SUGCT: variants seen among roughly 807,000 people sequenced by gnomAD.
SUGCT encodes the protein succinyl-CoA:glutarate-CoA transferase.
SUGCT carries 41 observed loss-of-function variants against 55.0 expected under a neutral mutation model. The observed-to-expected ratio is 0.74, with a 90% confidence interval of 0.58 to 0.97. The LOEUF is 0.97. Ranked by LOEUF, SUGCT falls within the 50% of genes least tolerant of loss-of-function variation. The pLI is 0.00. For synonymous variants in SUGCT, 187 were observed against 200.4 expected (o/e 0.93, Z 0.56); for missense variants, 568 against 547.8 (o/e 1.04, Z -0.37).
At chr7:40,304,899 C>T (rs961201199) in intron 8 of SUGCT, among the ~76,000 whole-genome samples, 1 of 152,112 alleles carries the variant, frequency 6.6e-6, no homozygotes, top group Non-Finnish European at 1.5e-5. Flanking sequence ...TCCAGCATCC[C>T]TTTATAATTA....
chr7:40,154,247 T>C (rs899210127), intron 1 of SUGCT: 1 of 157,546 alleles, frequency 6.3e-6, no homozygotes, highest in Non-Finnish European at 1.4e-5. Context: ...CAAAATAGTA[T>C]TTAAAAAAGT....
At chr7:40,444,598 T>G (rs938796414) in intron 9 of SUGCT, among the ~76,000 whole-genome samples, 5 of 152,102 alleles carry the variant, frequency 3.3e-5, no homozygotes, top group Non-Finnish European at 5.9e-5. Context: ...TACTGAAGTT[T>G]CTTATCAGCT....
At chr7:40,167,859 G>A (rs974752510) in intron 1 of SUGCT, among the ~76,000 whole-genome samples, 7 of 152,170 alleles carry the variant, frequency 4.6e-5, no homozygotes, top group African/African-American at 1.4e-4. Flanking sequence ...CCAAAGCTCA[G>A]TTTGAGCTAT....
intron 9 of SUGCT, among the ~76,000 whole-genome samples, chr7:40,344,133 A>G (rs1404859354): frequency 1.3e-5 from 2 of 152,142 alleles, no homozygotes; most frequent in African/African-American, 4.8e-5. Flanking sequence ...TCCTTGCTGA[A>G]ACTTGTGAAA....
the SUGCT span, among the ~76,000 whole-genome samples, chr7:40,912,152 A>T: frequency 2.8e-4 from 42 of 152,120 alleles, no homozygotes; most frequent in Non-Finnish European, 5.0e-4. Context: ...TAGGCCTTAC[A>T]CATTATCCTA....
At chr7:40,465,615 G>T (rs1490372449) in intron 11 of SUGCT, among the ~76,000 whole-genome samples, 1 of 146,714 alleles carries the variant, frequency 6.8e-6, no homozygotes, top group Admixed American at 6.8e-5. Flanking sequence ...GTCTCAAAAA[G>T]AAAAAAAAAA....
In SUGCT at chr7:40,388,526, C is replaced by CT. The variant is rs201439544; in HGVS notation, c.817-60760dup. Among the ~76,000 whole-genome samples, 72 of 152,304 alleles carry CT rather than the reference C, an allele frequency of 4.7e-4. 1 individual carries two copies. The East Asian group carries it at 0.014, about 29-fold the overall frequency. On this transcript the variant is annotated intron_variant, in intron 9 of 13. Transcript: ENST00000335693. ...CACCACCCAGATTCAAGTGATTCTA[C>CT]TGCCTCAGCCTCCCAAGTAGCTGGG... is the stretch of plus-strand genomic sequence containing the variant.
rs181286139 is a variant in SUGCT at position 40,237,337 on chromosome 7, G to A, written c.485-298G>A. On this transcript the variant is annotated intron_variant, in intron 6 of 13. Transcript: ENST00000335693. Reference sequence around the variant, plus strand: ...TGCACGCCTGTTATCCTAGCTACTCGGGAGGCTGAGGAAGGAGAATCACTT... The same window carrying A: ...TGCACGCCTGTTATCCTAGCTACTCAGGAGGCTGAGGAAGGAGAATCACTT... Among the ~76,000 whole-genome samples the A allele has an allele frequency of 4.2e-3, 635 of 151,946 alleles. 1 individual carries two copies. Among genetic ancestry groups the A allele is most frequent in the African/African-American group, 0.014 (601 of 41,490 alleles).
intron 12 of SUGCT, among the ~76,000 whole-genome samples, chr7:40,523,296 C>A (rs764604041): frequency 6.6e-6 from 1 of 150,704 alleles, no homozygotes. Context: ...TGAAGCCAGA[C>A]TATCAGCAGA....
At chr7:40,720,722 G>T (rs1192102123) in intron 12 of SUGCT, among the ~76,000 whole-genome samples, 2 of 152,194 alleles carry the variant, frequency 1.3e-5, no homozygotes, top group Non-Finnish European at 2.9e-5. Context: ...TAGATGGCCA[G>T]ATGCCACTCT....
At chr7:40,627,908 C>T (rs1799598219) in intron 12 of SUGCT, among the ~76,000 whole-genome samples, 1 of 152,286 alleles carries the variant, frequency 6.6e-6, no homozygotes, top group East Asian at 1.9e-4. Context: ...TTGAGTACAG[C>T]ATTGACATCC....
At chr7:40,556,019 A>G (rs1795544447) in intron 12 of SUGCT, among the ~76,000 whole-genome samples, 1 of 152,152 alleles carries the variant, frequency 6.6e-6, no homozygotes. Context: ...CTTTCTGCCA[A>G]CACATAATCT....
intron 1 of SUGCT, among the ~76,000 whole-genome samples, chr7:40,148,814 G>A (rs543618743): frequency 1.4e-3 from 206 of 152,302 alleles, no homozygotes; most frequent in Non-Finnish European, 2.6e-3. Context: ...GGGAAATAAA[G>A]GATTGCTAGG....
At chr7:40,970,233 G>A in the SUGCT span, among the ~76,000 whole-genome samples, 6 of 151,986 alleles carry the variant, frequency 3.9e-5, no homozygotes, top group East Asian at 1.9e-4. Flanking sequence ...ATGCAATGAC[G>A]CGATGTCAAC....
intron 12 of SUGCT, among the ~76,000 whole-genome samples, chr7:40,503,698 T>C (rs1792427827): frequency 6.6e-6 from 1 of 152,118 alleles, no homozygotes; most frequent in Non-Finnish European, 1.5e-5. Context: ...CTATTTTTAA[T>C]TAAAAGAAAG....
chr7:40,468,099 C>G (rs1300549407), intron 11 of SUGCT, among the ~76,000 whole-genome samples: 1 of 151,608 alleles, frequency 6.6e-6, no homozygotes, highest in Non-Finnish European at 1.5e-5. Context: ...ATTTCTTGCA[C>G]TTGTGTCTGT....
chr7:40,996,327 C>G, the SUGCT span, among the ~76,000 whole-genome samples: 1 of 152,152 alleles, frequency 6.6e-6, no homozygotes, highest in African/African-American at 2.4e-5. Flanking sequence ...CCAGTCTGCA[C>G]GTGAAATTTG....
At chr7:40,980,528 G>T in the SUGCT span, among the ~76,000 whole-genome samples, 27 of 152,202 alleles carry the variant, frequency 1.8e-4, 1 homozygote, top group Non-Finnish European at 2.5e-4. Context: ...AGTTCATCCC[G>T]AGGAAAAACT....
intron 9 of SUGCT, among the ~76,000 whole-genome samples, chr7:40,383,311 C>T (rs956872630): frequency 2.6e-5 from 4 of 152,214 alleles, no homozygotes; most frequent in Non-Finnish European, 4.4e-5. Flanking sequence ...TAGAATCCAT[C>T]GATTTTAAGT....
Sources: gnomAD v4.1 joint callset for allele counts (sites outside exome capture counted in the v4.1 genomes callset) on GRCh38, gnomAD v4.1.1 for gene constraint, MANE v1.5 for transcripts, NCBI Gene and HGNC (gene_info 2026-07-23, HGNC 2026-07-21) for gene names.